DGKB: variants seen among roughly 807,000 people sequenced by gnomAD.
DGKB encodes diacylglycerol kinase beta.
Under a neutral mutation model 114.3 loss-of-function variants are expected in DGKB, and 67 were observed. The ratio of observed to expected loss-of-function variants is 0.59; its 90% CI spans 0.48 to 0.72. The LOEUF (loss-of-function observed/expected upper bound fraction) is 0.72. Among genes scored for constraint, DGKB ranks in the 30% least tolerant of loss-of-function variants. The probability of loss-of-function intolerance (pLI) is 0.00; values close to 1 mark genes in which losing one functional copy is unlikely to be tolerated. For synonymous variants in DGKB, 398 were observed against 323.1 expected, an observed-to-expected ratio of 1.23 and a Z score of -2.49; for missense variants, 907 against 975.2, an observed-to-expected ratio of 0.93 and a Z score of 0.93.
intron 18 of DGKB, 76 bp downstream of exon 18, chr7:14,582,976 C>T (rs960808375): frequency 1.1e-6 from 1 of 923,268 alleles, no homozygotes; most frequent in Non-Finnish European, 1.8e-6. Flanking sequence ...ATGATACAAG[C>T]AATAGACACA....
chr7:14,752,471 T>C (rs180845946), intron 4 of DGKB, among the ~76,000 whole-genome samples: 2 of 152,174 alleles, frequency 1.3e-5, no homozygotes, highest in East Asian at 3.9e-4. Context: ...CCAAGGAACA[T>C]CTACTGACAG....
intron 1 of DGKB, among the ~76,000 whole-genome samples, chr7:14,919,078 A>ACG (rs1784382973): frequency 7.8e-6 from 1 of 128,672 alleles, no homozygotes; most frequent in African/African-American, 3.0e-5. Flanking sequence ...ACACACACAC[A>ACG]CACACACACA....
Position 14,703,458 on chromosome 7 carries a change from C to T in DGKB, c.467-1728G>A, listed in dbSNP as rs187260195. On this transcript the variant is annotated intron_variant, in intron 6 of 25. Coordinates refer to ENST00000402815, the MANE Select transcript of DGKB (RefSeq NM_001350709.2). ...ACTTCTTCCTATTTTCTGAAAATCA[C>T]ACTTTATGAAGAGCATTAGAAAATG... 8.5e-5 allele frequency among the ~76,000 whole-genome samples: 13 copies of T among 152,292 alleles called. No homozygotes were observed. In the East Asian group the frequency reaches 2.5e-3, roughly 29 times the overall value.
chr7:14,289,984 G>A (rs1020727364), intron 23 of DGKB, among the ~76,000 whole-genome samples: 1 of 152,158 alleles, frequency 6.6e-6, no homozygotes, highest in African/African-American at 2.4e-5. Context: ...CACTCAAGAT[G>A]TAGGCAAAAT....
At chr7:14,969,224 C>G (rs941829507) in intron 1 of DGKB, among the ~76,000 whole-genome samples, 1 of 152,052 alleles carries the variant, frequency 6.6e-6, no homozygotes, top group African/African-American at 2.4e-5. Flanking sequence ...TCAGATCTTG[C>G]AAAATACTGA....
intron 20 of DGKB, among the ~76,000 whole-genome samples, chr7:14,548,305 G>C (rs535963272): frequency 3.9e-5 from 6 of 152,252 alleles, no homozygotes; most frequent in African/African-American, 1.4e-4. Context: ...TAGACCAACA[G>C]GTGCAACTGA....
At chr7:14,625,597 G>C (rs1282804603) in intron 14 of DGKB, among the ~76,000 whole-genome samples, 1 of 152,104 alleles carries the variant, frequency 6.6e-6, no homozygotes, top group Non-Finnish European at 1.5e-5. Context: ...AGGGGACAAA[G>C]TTTGCCATTT....
chr7:14,922,734 A>G (rs1433417713), intron 1 of DGKB, among the ~76,000 whole-genome samples: 2 of 152,102 alleles, frequency 1.3e-5, no homozygotes, highest in Non-Finnish European at 2.9e-5. Flanking sequence ...TATGAAATTG[A>G]CCAATAATAA....
rs34188189 is a variant in DGKB, at chr7:14,864,794, CA to C, written c.-187-23345del. The stretch of plus-strand genomic sequence containing the variant: ...TGGACAAAGGGATAAGAGATGATGA[CA>C]AAAAAAAAAAAATATGGGGCTAGAA... On this transcript the variant is annotated intron_variant, in intron 1 of 25. Transcript: ENST00000402815. 4.7e-3 allele frequency among the ~76,000 whole-genome samples: 664 copies of C among 141,428 alleles called. 3 individuals carry two copies. The highest frequency in any genetic ancestry group is 0.02 in the East Asian group (93 of 4,600). 92.8% of individuals were successfully genotyped at this position (141,428 alleles called of 152,430 possible).
chr7:14,620,216 A>C (rs767916273), intron 15 of DGKB, among the ~76,000 whole-genome samples: 55 of 151,292 alleles, frequency 3.6e-4, no homozygotes, highest in Non-Finnish European at 7.1e-4. Flanking sequence ...CTGTTCTCTA[A>C]TATATAATAA....
intron 23 of DGKB, among the ~76,000 whole-genome samples, chr7:14,305,658 A>C (rs1287254345): frequency 6.6e-6 from 1 of 152,140 alleles, no homozygotes; most frequent in Non-Finnish European, 1.5e-5. Flanking sequence ...TACTGGCCTC[A>C]GGGTTGACGG....
At chr7:14,452,903 G>A (rs1306049628) in intron 21 of DGKB, among the ~76,000 whole-genome samples, 1 of 151,970 alleles carries the variant, frequency 6.6e-6, no homozygotes, top group Non-Finnish European at 1.5e-5. Flanking sequence ...TCCTCTACTT[G>A]ATTTGCAAAA....
At chr7:14,263,023 T>C (rs1796997336) in intron 23 of DGKB, among the ~76,000 whole-genome samples, 1 of 152,058 alleles carries the variant, frequency 6.6e-6, no homozygotes, top group South Asian at 2.1e-4. Flanking sequence ...CCTGAAGGGC[T>C]GCACATTCTA....
At chr7:14,924,659 T>A (rs1182567064) in intron 1 of DGKB, among the ~76,000 whole-genome samples, 1 of 152,080 alleles carries the variant, frequency 6.6e-6, no homozygotes, top group African/African-American at 2.4e-5. Context: ...GGTTTCCAAT[T>A]TTTTTTTATT....
intron 1 of DGKB, among the ~76,000 whole-genome samples, chr7:14,853,626 G>A (rs955921628): frequency 6.6e-6 from 1 of 151,886 alleles, no homozygotes; most frequent in South Asian, 2.1e-4. Context: ...GGAGGCCGAG[G>A]TGGGCGGATG....
At chr7:14,649,152 A>G (rs1813846355) in intron 13 of DGKB, among the ~76,000 whole-genome samples, 1 of 121,322 alleles carries the variant, frequency 8.2e-6, no homozygotes. Flanking sequence ...GAACGCCACA[A>G]AGATACTCCT....
chr7:14,299,363 G>C (rs139448331), intron 23 of DGKB, among the ~76,000 whole-genome samples: 1 of 152,186 alleles, frequency 6.6e-6, no homozygotes, highest in East Asian at 1.9e-4. Flanking sequence ...TCTGTAACAA[G>C]AATCCCTTCC....
chr7:14,877,093 T>C (rs965445013), intron 1 of DGKB, among the ~76,000 whole-genome samples: 1 of 152,222 alleles, frequency 6.6e-6, no homozygotes, highest in African/African-American at 2.4e-5. Flanking sequence ...AGAACTTTTT[T>C]CTCATATAAC....
intron 21 of DGKB, among the ~76,000 whole-genome samples, chr7:14,472,403 T>C (rs1781554322): frequency 6.6e-6 from 1 of 152,202 alleles, no homozygotes; most frequent in Admixed American, 6.5e-5. Flanking sequence ...TTGTTCCTCC[T>C]TGCCTTCCAC....
Sources: gnomAD v4.1 joint callset for allele counts (sites outside exome capture counted in the v4.1 genomes callset) on GRCh38, gnomAD v4.1.1 for gene constraint, MANE v1.5 for transcripts, NCBI Gene and HGNC (gene_info 2026-07-23, HGNC 2026-07-21) for gene names.